Variants in ESF1 observed in about 807,000 individuals in gnomAD.
The protein encoded by ESF1 is ESF1 homolog.
ESF1 carries 58 observed loss-of-function variants against 92.0 expected under a neutral mutation model. That is an observed-to-expected ratio of 0.63 (90% confidence interval 0.51 to 0.78). The LOEUF (loss-of-function observed/expected upper bound fraction) is 0.78. Among genes scored for constraint, ESF1 ranks in the 30% least tolerant of loss-of-function variants. ESF1 has a pLI of 0.00. For missense variants in ESF1, 922 were observed against 989.1 expected (o/e 0.93, Z 0.91); for synonymous variants, 321 against 313.7 (o/e 1.02, Z -0.24).
At chr20:13,777,663 ACTGTTTTTG>A (rs1980005698) in intron 2 of ESF1, among the ~76,000 whole-genome samples, 2 of 152,206 alleles carry the variant, frequency 1.3e-5, no homozygotes. Context: ...AGATTGAAAG[ACTGTTTTTG>A]CTTAAGATGG....
intron 1 of ESF1, 25 bp downstream of exon 1, chr20:13,784,855 T>C: frequency 1.7e-6 from 1 of 594,312 alleles, no homozygotes; most frequent in South Asian, 2.0e-5. Context: ...CTCGAGCTCT[T>C]CAACTCCAGT....
chr20:13,756,585 T>C (rs1014206299), intron 9 of ESF1, among the ~76,000 whole-genome samples: 1 of 152,132 alleles, frequency 6.6e-6, no homozygotes, highest in Non-Finnish European at 1.5e-5. Context: ...TAATTCAAAA[T>C]ATGGAAAAAG....
intron 8 of ESF1, among the ~76,000 whole-genome samples, chr20:13,764,689 A>G (rs2147767199): frequency 6.6e-6 from 1 of 152,276 alleles, no homozygotes; most frequent in Non-Finnish European, 1.5e-5. Flanking sequence ...GAAGATAAAT[A>G]TATTTCCCAC....
At chr20:13,771,256 A>G in intron 6 of ESF1, 75 bp downstream of exon 6, 1 of 1,350,426 alleles carries the variant, frequency 7.4e-7, no homozygotes. Flanking sequence ...AGAGATCACT[A>G]CCAGTTCAAA....
intron 4 of ESF1, 125 bp downstream of exon 4, chr20:13,775,032 A>G: frequency 4.9e-6 from 3 of 611,042 alleles, no homozygotes; most frequent in Non-Finnish European, 8.5e-6. Context: ...TTCACACTCA[A>G]TTGGATTGGA....
intron 2 of ESF1, among the ~76,000 whole-genome samples, chr20:13,781,607 C>A (rs1163864043): frequency 6.6e-6 from 1 of 152,190 alleles, no homozygotes; most frequent in African/African-American, 2.4e-5. Flanking sequence ...TGTGTCTGCT[C>A]AGGGGCAAAA....
chr20:13,744,374 TAG>T (rs1395201643), intron 9 of ESF1, among the ~76,000 whole-genome samples: 2 of 152,178 alleles, frequency 1.3e-5, no homozygotes, highest in Non-Finnish European at 2.9e-5. Flanking sequence ...AATACATGAA[TAG>T]ACATTCTACA....
At chr20:13,773,752 G>A (rs375075315) in intron 4 of ESF1, among the ~76,000 whole-genome samples, 4 of 152,096 alleles carry the variant, frequency 2.6e-5, no homozygotes, top group Admixed American at 6.5e-5. Flanking sequence ...CCAAAAGGCC[G>A]AGAAGCGACA....
At chr20:13,755,198 T>G (rs1978834774) in intron 9 of ESF1, among the ~76,000 whole-genome samples, 1 of 152,206 alleles carries the variant, frequency 6.6e-6, no homozygotes, top group African/African-American at 2.4e-5. Context: ...AAGTTGGGGT[T>G]CTGTAGAGTG....
At chr20:13,770,097 T>C (rs956862840) in intron 6 of ESF1, 76 bp from the exon 7 acceptor site, 24 of 820,354 alleles carry the variant, frequency 2.9e-5, no homozygotes, top group South Asian at 2.1e-4. Flanking sequence ...ATCTAATTAG[T>C]TGTAGTTTAT....
intron 9 of ESF1, among the ~76,000 whole-genome samples, chr20:13,744,109 C>T (rs973725280): frequency 2.0e-5 from 3 of 152,148 alleles, no homozygotes; most frequent in African/African-American, 7.2e-5. Context: ...AAAAAGAGGC[C>T]CATGCCGGAC....
At chr20:13,766,978 A>G in intron 7 of ESF1, 54 bp from the exon 8 acceptor site, 1 of 1,565,230 alleles carries the variant, frequency 6.4e-7, no homozygotes, top group Non-Finnish European at 8.7e-7. Flanking sequence ...TGTCAGCTCA[A>G]ACTTGTTAAA....
intron 7 of ESF1, among the ~76,000 whole-genome samples, chr20:13,769,487 A>C (rs925470184): frequency 7.2e-5 from 11 of 152,322 alleles, no homozygotes; most frequent in Non-Finnish European, 1.6e-4. Flanking sequence ...ATGCATTAAA[A>C]ATTTTGAATA....
In ESF1 at chr20:13,764,475, G is replaced by A. The variant is rs1166482324; in HGVS notation, c.1666+2302C>T. Among the ~76,000 whole-genome samples the A allele has an allele frequency of 2.0e-5, 3 of 152,124 alleles. 1 individual carries two copies. The highest frequency in any genetic ancestry group is 7.2e-5 in the African/African-American group (3 of 41,424). On this transcript the variant is annotated intron_variant, in intron 8 of 13. Coordinates refer to ENST00000617257, the MANE Select transcript of ESF1 (RefSeq NM_001276380.2). ...AGTACAGCTGATTCTTCAACAACAT[G>A]GAGGTTAGAGGCACCAACCCTAGGC...
At position 13,778,448 on chromosome 20, in the gene ESF1, T is replaced by C. The variant is rs567834991; in HGVS notation, c.638-2178A>G. Among the ~76,000 whole-genome samples the C allele has an allele frequency of 2.5e-5, 3 of 122,044 alleles. No individual in the cohort carries two copies. The Admixed American group carries it at 2.9e-4, about 12-fold the overall frequency. The allele number at this position is 122,044 out of a possible 152,430, so 80.1% of individuals were successfully genotyped here. On this transcript the variant is annotated intron_variant, in intron 2 of 13. Coordinates refer to ENST00000617257, the MANE Select transcript of ESF1 (RefSeq NM_001276380.2). ...ACTGTCAGTCATTATACCATTTTCATGATTTTTGAATATCATTTTTTTATT... is the reference window on the plus strand; with the variant it reads ...ACTGTCAGTCATTATACCATTTTCACGATTTTTGAATATCATTTTTTTATT...
At chr20:13,756,981 C>T (rs537554741) in intron 9 of ESF1, among the ~76,000 whole-genome samples, 1 of 151,770 alleles carries the variant, frequency 6.6e-6, no homozygotes, top group African/African-American at 2.4e-5. Context: ...GAGATCTGTC[C>T]TATTTTTTTT....
rs1345959614 is a variant in ESF1 at position 13,714,952 on chromosome 20, A to G, written c.2478T>C (p.Pro826=). The change falls in exon 14 of 14, where the codon CCT becomes CCC. Residue 826 remains proline (P), a synonymous_variant. Coordinates refer to ENST00000617257, the MANE Select transcript of ESF1 (RefSeq NM_001276380.2). ...EKESQRKSID[P]ALSMLIKSIK... Reference sequence around the variant, plus strand: ...TAGATTTAATCAACATTGACAAAGCAGGATCAATGGACTTCCTTTGTGATT... The same window carrying G: ...TAGATTTAATCAACATTGACAAAGCGGGATCAATGGACTTCCTTTGTGATT... The G allele has an allele frequency of 6.2e-7, 1 of 1,613,944 alleles. No homozygotes were observed. The highest frequency in any genetic ancestry group is 1.7e-5 in the Admixed American group (1 of 60,016).
chr20:13,730,670 C>T (rs1370944177), intron 10 of ESF1, among the ~76,000 whole-genome samples: 1 of 151,778 alleles, frequency 6.6e-6, no homozygotes, highest in Admixed American at 6.6e-5. Flanking sequence ...AAGCATGAGC[C>T]ACCGCACCCA....
At chr20:13,729,708 C>G (rs990742752) in intron 10 of ESF1, among the ~76,000 whole-genome samples, 1 of 152,008 alleles carries the variant, frequency 6.6e-6, no homozygotes, top group African/African-American at 2.4e-5. Context: ...TGTAATGAAC[C>G]CTCTGTTCTC....
Sources: gnomAD v4.1 joint callset for allele counts (sites outside exome capture counted in the v4.1 genomes callset) on GRCh38, gnomAD v4.1.1 for gene constraint, MANE v1.5 for transcripts, NCBI Gene and HGNC (gene_info 2026-07-23, HGNC 2026-07-21) for gene names.